The following KAZN variants were observed in gnomAD, a reference collection of about 807,000 sequenced individuals.
The protein encoded by KAZN is kazrin.
Under a neutral mutation model 87.4 loss-of-function variants are expected in KAZN, and 40 were observed. That is an observed-to-expected ratio of 0.46 (90% CI 0.36 to 0.60). The LOEUF is 0.60. Ranked by LOEUF, KAZN falls within the 20% of genes least tolerant of loss-of-function variation. The pLI, the probability that KAZN is intolerant of heterozygous loss-of-function variation, is 0.00. For missense variants in KAZN, 898 were observed against 1,073.9 expected, an observed-to-expected ratio of 0.84 and a Z score of 2.29; for synonymous variants, 466 against 458.3, an observed-to-expected ratio of 1.02 and a Z score of -0.22.
At chr1:14,151,813 C>A (rs1258826050) in intron 1 of KAZN, among the ~76,000 whole-genome samples, 5 of 152,128 alleles carry the variant, frequency 3.3e-5, no homozygotes, top group African/African-American at 1.2e-4. Context: ...GCTGCCCCAG[C>A]AGAGCAGTGG....
intron 2 of KAZN, among the ~76,000 whole-genome samples, chr1:14,311,005 T>A (rs538202437): frequency 1.3e-5 from 2 of 152,342 alleles, no homozygotes; most frequent in South Asian, 4.1e-4. Flanking sequence ...GTCCTGTCGA[T>A]GAGATGACCT....
chr1:14,950,479 C>T (rs577209789), intron 1 of KAZN, among the ~76,000 whole-genome samples: 56 of 152,302 alleles, frequency 3.7e-4, no homozygotes, highest in Non-Finnish European at 6.9e-4. Context: ...CAAGCCTAGG[C>T]TTACCTCTCC....
intron 2 of KAZN, among the ~76,000 whole-genome samples, chr1:14,263,492 C>T (rs1393118636): frequency 6.6e-6 from 1 of 152,148 alleles, no homozygotes; most frequent in African/African-American, 2.4e-5. Context: ...ATTTCATTCT[C>T]TCTAATATGA....
intron 2 of KAZN, among the ~76,000 whole-genome samples, chr1:14,325,353 G>T (rs973300234): frequency 4.6e-5 from 7 of 152,108 alleles, no homozygotes; most frequent in African/African-American, 1.7e-4. Flanking sequence ...ACTACAGTGT[G>T]TCTGCTTCCC....
intron 1 of KAZN, among the ~76,000 whole-genome samples, chr1:14,035,031 G>A (rs1641489605): frequency 6.6e-6 from 1 of 152,174 alleles, no homozygotes; most frequent in Non-Finnish European, 1.5e-5. Context: ...CAAAAAGGCA[G>A]CATTCCTCAG....
chr1:14,782,569 A>AC (rs1645388493), intron 1 of KAZN, among the ~76,000 whole-genome samples: 1 of 151,168 alleles, frequency 6.6e-6, no homozygotes, highest in African/African-American at 2.4e-5. Context: ...AAAAAAAAAA[A>AC]AAAAAAAAAG....
chr1:14,489,169 A>G (rs1048733829), intron 2 of KAZN, among the ~76,000 whole-genome samples: 1 of 152,188 alleles, frequency 6.6e-6, no homozygotes, highest in African/African-American at 2.4e-5. Context: ...TACACGTTGT[A>G]GAAAAATTGG....
chr1:14,426,085 T>C (rs1301632093), intron 2 of KAZN, among the ~76,000 whole-genome samples: 1 of 152,220 alleles, frequency 6.6e-6, no homozygotes, highest in East Asian at 1.9e-4. Context: ...CTCCTCTCCT[T>C]TCCTTTCATC....
rs559579135 is a variant in KAZN at position 14,572,073 on chromosome 1, A to G, written c.250-26910A>G. On this transcript the variant is annotated intron_variant, in intron 2 of 16. Transcript: ENST00000636203. ...CAGCTTCGGGGGAGGTACTTCTTGC[A>G]TCGTTCCCACCGCCGCTCTGGGATC... Among the ~76,000 whole-genome samples, 223 of 152,328 alleles carry G rather than the reference A, an allele frequency of 1.5e-3. 1 individual carries two copies. Among genetic ancestry groups the G allele is most frequent in the African/African-American group, 5.2e-3 (216 of 41,576 alleles).
intron 2 of KAZN, among the ~76,000 whole-genome samples, chr1:14,571,990 G>A (rs1226544842): frequency 6.6e-6 from 1 of 152,176 alleles, no homozygotes; most frequent in Non-Finnish European, 1.5e-5. Flanking sequence ...GTAAACCTCT[G>A]GGGAAGCCCC....
chr1:14,208,644 C>A (rs543591517), intron 2 of KAZN, among the ~76,000 whole-genome samples: 1 of 152,308 alleles, frequency 6.6e-6, no homozygotes, highest in African/African-American at 2.4e-5. Context: ...TAATGTCCTG[C>A]ACTTTGCCAA....
intron 2 of KAZN, among the ~76,000 whole-genome samples, chr1:14,299,606 G>A (rs981086983): frequency 6.6e-6 from 1 of 152,176 alleles, no homozygotes; most frequent in Non-Finnish European, 1.5e-5. Context: ...TAAAAGCCCA[G>A]GAGCTTGCAA....
At chr1:14,984,865 G>A (rs777906554) in intron 2 of KAZN, among the ~76,000 whole-genome samples, 2 of 152,126 alleles carry the variant, frequency 1.3e-5, no homozygotes, top group Non-Finnish European at 2.9e-5. Flanking sequence ...TGATTCAAGG[G>A]GGAAAGGAGG....
intron 1 of KAZN, among the ~76,000 whole-genome samples, chr1:14,014,175 G>A (rs866933632): frequency 2.0e-5 from 3 of 151,800 alleles, no homozygotes; most frequent in Non-Finnish European, 4.4e-5. Context: ...CATTGTATCC[G>A]GGAGGAAGGC....
chr1:15,081,489 G>A lies in KAZN; in HGVS notation c.1223-12691G>A, dbSNP rs1359356481. Among the ~76,000 whole-genome samples, 1 of 152,114 alleles carries A rather than the reference G, an allele frequency of 6.6e-6. No homozygotes were observed. Among genetic ancestry groups the A allele is most frequent in the Non-Finnish European group, 1.5e-5 (1 of 68,036 alleles). ...CTGGTGGGAGACACAGACTTTCATC[G>A]AATAATTACACAACTGTTCGTTTCA... On this transcript the variant is annotated intron_variant, in intron 8 of 14. Coordinates refer to ENST00000376030, the MANE Select transcript of KAZN (RefSeq NM_201628.3). The surrounding 1 kb of genome is among the most constrained non-coding windows in gnomAD (Gnocchi z 4.1).
chr1:14,565,679 T>G (rs1240245664), intron 2 of KAZN, among the ~76,000 whole-genome samples: 1 of 152,200 alleles, frequency 6.6e-6, no homozygotes, highest in Admixed American at 6.5e-5. Flanking sequence ...TCAACTAAGT[T>G]TATGTAATAT....
intron 2 of KAZN, among the ~76,000 whole-genome samples, chr1:14,198,135 A>G (rs1285437384): frequency 1.2e-4 from 19 of 152,222 alleles, no homozygotes; most frequent in Admixed American, 1.2e-3. Context: ...AAGCTGCCAG[A>G]GACAGGCTGT....
intron 1 of KAZN, among the ~76,000 whole-genome samples, chr1:14,110,478 A>G (rs1471599994): frequency 3.3e-5 from 5 of 152,238 alleles, no homozygotes; most frequent in Admixed American, 6.5e-5. Context: ...GGTGTGACCC[A>G]TACAACTTAC....
chr1:14,277,013 A>G (rs1652409846), intron 2 of KAZN, among the ~76,000 whole-genome samples: 1 of 152,172 alleles, frequency 6.6e-6, no homozygotes, highest in African/African-American at 2.4e-5. Context: ...TCTGGCTTGG[A>G]TATCAAAGTT....
Sources: gnomAD v4.1 joint callset for allele counts (sites outside exome capture counted in the v4.1 genomes callset) on GRCh38, gnomAD v4.1.1 for gene constraint, Gnocchi (gnomAD v3.1) non-coding constraint, MANE v1.5 for transcripts, NCBI Gene and HGNC (gene_info 2026-07-23, HGNC 2026-07-21) for gene names.